The following MGA variants were observed in gnomAD, a reference collection of about 807,000 sequenced individuals.
The protein encoded by MGA is MAX gene-associated protein.
Under a neutral mutation model 261.1 loss-of-function variants are expected in MGA, and 40 were observed. The observed-to-expected ratio is 0.15, with a 90% confidence interval of 0.12 to 0.20. MGA has a LOEUF of 0.20. Among genes scored for constraint, MGA ranks in the 10% least tolerant of loss-of-function variants. MGA has a pLI of 1.00. For synonymous variants in MGA, 1,302 were observed against 1,290.6 expected (o/e 1.01, Z -0.19); for missense variants, 3,397 against 3,630.5 (o/e 0.94, Z 1.65).
At chr15:41,700,682 G>A (rs1028375400) in intron 5 of MGA, among the ~76,000 whole-genome samples, 4 of 151,912 alleles carry the variant, frequency 2.6e-5, no homozygotes, top group African/African-American at 9.7e-5. Context: ...TATCTACTAT[G>A]GTTATTAACA....
rs1372634397 is a variant in MGA, at chr15:41,696,396, C to T, written c.1386C>T (p.Asp462=). 1 of 1,613,966 alleles carries T rather than the reference C, an allele frequency of 6.2e-7. No individual in the cohort carries two copies. Among genetic ancestry groups the T allele is most frequent in the South Asian group, 1.1e-5 (1 of 91,084 alleles). Residue 462 remains aspartate, a synonymous_variant, in exon 3 of 24, where the codon GAC becomes GAT. Coordinates refer to ENST00000219905, the MANE Select transcript of MGA (RefSeq NM_001164273.2). ...CTAAAGCTAAAATGTTCAAATTAGA[C>T]ACTGGAAAGATGCCAGTAGTCTATC...
At chr15:41,687,854 C>A (rs907827712) in intron 2 of MGA, among the ~76,000 whole-genome samples, 4 of 152,014 alleles carry the variant, frequency 2.6e-5, no homozygotes, top group Non-Finnish European at 5.9e-5. Context: ...TAGTGTTATT[C>A]AGTTCTTCTG....
At chr15:41,674,812 C>T (rs1436772193) in intron 2 of MGA, among the ~76,000 whole-genome samples, 1 of 152,236 alleles carries the variant, frequency 6.6e-6, no homozygotes, top group Admixed American at 6.5e-5. Flanking sequence ...GCCACGGCGC[C>T]CGGCCAATAG....
chr15:41,755,494 A>G (rs147952099), intron 18 of MGA, among the ~76,000 whole-genome samples: 5 of 152,378 alleles, frequency 3.3e-5, no homozygotes, highest in African/African-American at 1.2e-4. Context: ...TTTGTAAACA[A>G]TGGCAACAAA....
intron 9 of MGA, among the ~76,000 whole-genome samples, chr15:41,719,434 A>G (rs1011868547): frequency 7.9e-5 from 12 of 152,152 alleles, no homozygotes; most frequent in East Asian, 1.9e-4. Context: ...GAATAGTCCA[A>G]ACAACTTTGA....
chr15:41,683,064 TC>T (rs1182069965), intron 2 of MGA, among the ~76,000 whole-genome samples: 4 of 152,170 alleles, frequency 2.6e-5, no homozygotes, highest in African/African-American at 7.2e-5. Context: ...TGTTGTTGCC[TC>T]CCGGTTTCCT....
intron 2 of MGA, among the ~76,000 whole-genome samples, chr15:41,673,711 T>G (rs2058213421): frequency 6.6e-6 from 1 of 150,490 alleles, no homozygotes; most frequent in Non-Finnish European, 1.5e-5. Flanking sequence ...CCTGGCTAAG[T>G]TTTGTATTTT....
chr15:41,651,626 CCTCTT>C lies in MGA; in HGVS notation c.-67-17197_-67-17193del, dbSNP rs1367127740. Among the ~76,000 whole-genome samples the C allele has an allele frequency of 1.5e-3, 30 of 20,094 alleles. No individual in the cohort carries two copies. The South Asian group carries it at 0.03, about 20-fold the overall frequency. 13.2% of individuals were successfully genotyped at this position (20,094 alleles called of 152,430 possible). Reference sequence around the variant, plus strand: ...CTTTCCCTTTTCCCCTCTCCTCTCTCCTCTTCTCTCCTCTCCCCTCTCCTCTCCCT... The same window carrying C: ...CTTTCCCTTTTCCCCTCTCCTCTCTCCTCTCCTCTCCCCTCTCCTCTCCCT... On this transcript the variant is annotated intron_variant, in intron 1 of 8. Coordinates refer to the MGA transcript ENST00000566718.
rs1407899375 is a variant in MGA, at chr15:41,743,002, C to T, written c.5042C>T (p.Ala1681Val). 1 of 1,614,014 alleles carries T rather than the reference C, an allele frequency of 6.2e-7. No homozygotes were observed. Among genetic ancestry groups the T allele is most frequent in the African/African-American group, 1.3e-5 (1 of 75,042 alleles). ...GTTGCTTTTCCTAAGTCTTTGGTAGCATCTCCTTCAACCATAACTCTTCCT... is the reference window on the plus strand; with the variant it reads ...GTTGCTTTTCCTAAGTCTTTGGTAGTATCTCCTTCAACCATAACTCTTCCT... The change falls in exon 15 of 24, where the codon GCA (alanine) becomes GTA (valine). Residue 1681 changes from alanine to valine, a missense_variant. Transcript: ENST00000219905.
At chr15:41,712,696 G>A (rs941827251) in intron 8 of MGA, among the ~76,000 whole-genome samples, 1 of 152,110 alleles carries the variant, frequency 6.6e-6, no homozygotes, top group Non-Finnish European at 1.5e-5. Context: ...ATAGGGACCA[G>A]CAAACTTTTT....
In MGA at chr15:41,749,295, G is replaced by T; in HGVS notation, c.5688G>T (p.Gln1896His). 1 of 1,613,988 alleles carries T rather than the reference G, an allele frequency of 6.2e-7. No homozygotes were observed. ...CCTCTGGAGCTAGTTTTGTGTCTCA[G>T]GCTGGTACATTGACCCTGAGGATTT... The change falls in exon 17 of 24, where the codon CAG becomes CAT. Residue 1896 changes from glutamine to histidine, a missense_variant. By Grantham distance (24) the Gln-to-His change is conservative. Transcript: ENST00000219905.
At chr15:41,724,826 T>C (rs2061142987) in intron 9 of MGA, among the ~76,000 whole-genome samples, 2 of 152,198 alleles carry the variant, frequency 1.3e-5, no homozygotes, top group African/African-American at 4.8e-5. Flanking sequence ...ACCCCCTTTT[T>C]AATTTTTAAA....
chr15:41,646,199 G>C (rs568986031), intron 1 of MGA, among the ~76,000 whole-genome samples: 2 of 152,192 alleles, frequency 1.3e-5, no homozygotes, highest in South Asian at 4.1e-4. Context: ...ACTAACTATT[G>C]CTAAGTGACT....
chr15:41,763,116 T>C (rs1409348128), intron 22 of MGA, among the ~76,000 whole-genome samples: 3 of 142,242 alleles, frequency 2.1e-5, no homozygotes, highest in Non-Finnish European at 3.1e-5. Flanking sequence ...TTTTTTTTTT[T>C]TGAGACAGAG....
chr15:41,642,742 G>A (rs1430178858), intron 1 of MGA, among the ~76,000 whole-genome samples: 2 of 152,108 alleles, frequency 1.3e-5, no homozygotes, highest in African/African-American at 4.8e-5. Context: ...CCAAAGTGCT[G>A]GGATTACAGG....
intron 9 of MGA, chr15:41,718,504 G>A (rs1222330066): frequency 3.5e-6 from 2 of 573,036 alleles, no homozygotes; most frequent in Non-Finnish European, 3.2e-6. Context: ...ATCTTGCACT[G>A]CTCTGTAGTC....
At chr15:41,622,007 G>A (rs2056306001) in intron 1 of MGA, among the ~76,000 whole-genome samples, 1 of 145,326 alleles carries the variant, frequency 6.9e-6, no homozygotes, top group Non-Finnish European at 1.5e-5. Context: ...ACATGACGAG[G>A]TTGGCAGCGC....
At chr15:41,663,487 G>A (rs560748963) in intron 1 of MGA, among the ~76,000 whole-genome samples, 14 of 151,300 alleles carry the variant, frequency 9.3e-5, no homozygotes, top group South Asian at 4.2e-4. Flanking sequence ...TATTATTATT[G>A]TTGTTGTTGT....
chr15:41,754,410 ATTTAC>A (rs1252507866), intron 17 of MGA, 22 bp from the exon 18 acceptor site: 11 of 1,512,770 alleles, frequency 7.3e-6, no homozygotes, highest in Non-Finnish European at 9.7e-6. Context: ...TCAATACATT[ATTTAC>A]TTTTATAATG....
Sources: gnomAD v4.1 joint callset for allele counts (sites outside exome capture counted in the v4.1 genomes callset) on GRCh38, gnomAD v4.1.1 for gene constraint, MANE v1.5 for transcripts, NCBI Gene and HGNC (gene_info 2026-07-23, HGNC 2026-07-21) for gene names.